The following EPM2A variants were observed in gnomAD, a reference collection of about 807,000 sequenced individuals.
The protein encoded by EPM2A is EPM2A glucan phosphatase, laforin, also known as laforin.
Under a neutral mutation model 26.5 loss-of-function variants are expected in EPM2A, and 21 were observed. The ratio of observed to expected loss-of-function variants is 0.79; its 90% confidence interval spans 0.56 to 1.14. EPM2A has a LOEUF of 1.14. Ranked by LOEUF, EPM2A falls within the 50% of genes most tolerant of loss-of-function variation. The pLI is 0.00. For synonymous variants in EPM2A, 217 were observed against 177.6 expected, an observed-to-expected ratio of 1.22 and a Z score of -1.76; for missense variants, 458 against 440.8, an observed-to-expected ratio of 1.04 and a Z score of -0.35.
In EPM2A at chr6:145,730,674, T is replaced by A. The variant is rs532139427; in HGVS notation, c.301+4524A>T. Among the ~76,000 whole-genome samples, 549 of 152,328 alleles carry A rather than the reference T, an allele frequency of 3.6e-3. 2 individuals carry two copies. The highest frequency in any genetic ancestry group is 2.0e-3 in the Non-Finnish European group (139 of 68,022). On this transcript the variant is annotated intron_variant, in intron 1 of 3. Coordinates refer to ENST00000367519, the MANE Select transcript of EPM2A (RefSeq NM_005670.4). ...GTTTGGTTACATGAATTGATTTTTT[T>A]AAAATTATTTTTAGACTGGTTCACA...
intron 2 of EPM2A, among the ~76,000 whole-genome samples, chr6:145,581,867 G>A (rs1562391064): frequency 6.6e-6 from 1 of 152,100 alleles, no homozygotes; most frequent in Non-Finnish European, 1.5e-5. Context: ...GATAACCGTA[G>A]GTTGTAGCAT....
chr6:145,701,591 G>C (rs1781912672), intron 1 of EPM2A, among the ~76,000 whole-genome samples: 1 of 152,148 alleles, frequency 6.6e-6, no homozygotes, highest in Non-Finnish European at 1.5e-5. Flanking sequence ...TGCTACCCAA[G>C]AGGAATAAGA....
upstream of EPM2A, chr6:145,735,606 G>A (rs1041747337): frequency 3.7e-6 from 4 of 1,081,480 alleles, no homozygotes; most frequent in Non-Finnish European, 3.4e-6. Flanking sequence ...GGGAGCCCCG[G>A]GCACCGGGGA....
At chr6:145,735,692 G>C (rs1776841928), upstream of EPM2A, 6 of 1,052,316 alleles carry the variant, frequency 5.7e-6, no homozygotes, top group Non-Finnish European at 6.9e-6. Context: ...AGGCCGGCGG[G>C]AAGGGGTCAG....
rs540932883 is a variant in EPM2A at position 145,544,482 on chromosome 6, A to G, written c.341-41907T>C. 2.0e-5 allele frequency among the ~76,000 whole-genome samples: 3 copies of G among 152,348 alleles called. No individual in the cohort carries two copies. In the East Asian group the frequency reaches 5.8e-4, roughly 29 times the overall value. On this transcript the variant is annotated intron_variant, in intron 2 of 3. Transcript: ENST00000450221. ...TAGCCAGCAATCAGAATTACCCAGA[A>G]CTAATTGGTAAATTGTGTGGGGAGA...
At chr6:145,476,870 C>T (rs1383758899) in intron 4 of EPM2A, among the ~76,000 whole-genome samples, 1 of 151,720 alleles carries the variant, frequency 6.6e-6, no homozygotes, top group Admixed American at 6.6e-5. Context: ...AATAAACAAT[C>T]TAATGATGTA....
At chr6:145,692,964 G>C (rs576124665) in intron 1 of EPM2A, among the ~76,000 whole-genome samples, 1 of 151,990 alleles carries the variant, frequency 6.6e-6, no homozygotes, top group African/African-American at 2.4e-5. Context: ...TTATTGGTAG[G>C]CTGATAGGAA....
chr6:145,532,734 C>T (rs1256815904), intron 2 of EPM2A, among the ~76,000 whole-genome samples: 1 of 152,126 alleles, frequency 6.6e-6, no homozygotes, highest in Non-Finnish European at 1.5e-5. Flanking sequence ...GTGGGACAGA[C>T]CCCCGTACTC....
chr6:145,463,512 T>G (rs2114718569), intron 4 of EPM2A: 1 of 152,274 alleles, frequency 6.6e-6, no homozygotes. Context: ...AAACACATTT[T>G]TTTACCAAAT....
At chr6:145,408,094 T>C (rs1445332064) in intron 4 of EPM2A, among the ~76,000 whole-genome samples, 1 of 152,202 alleles carries the variant, frequency 6.6e-6, no homozygotes, top group Non-Finnish European at 1.5e-5. Flanking sequence ...TTTGAAACTC[T>C]GCCTGTTATG....
chr6:145,719,851 T>C (rs1397066263), intron 1 of EPM2A, among the ~76,000 whole-genome samples: 6 of 152,152 alleles, frequency 3.9e-5, no homozygotes, highest in Non-Finnish European at 8.8e-5. Context: ...CTCTGATTTG[T>C]TAGGGTTTTA....
chr6:145,626,445 T>A lies in EPM2A; in HGVS notation c.*971A>T. ...GTCTTAAAACAGCCCATCATGTTTT[T>A]AAATTAGCTTGCACAAAATACAACT... On this transcript the variant is annotated 3_prime_UTR_variant, in exon 4 of 4. Coordinates refer to ENST00000367519, the MANE Select transcript of EPM2A (RefSeq NM_005670.4). 2.0e-6 allele frequency: 2 copies of A among 985,964 alleles called. No homozygotes were observed. The highest frequency in any genetic ancestry group is 1.2e-6 in the Non-Finnish European group (1 of 829,980). The allele number at this position is 985,964 out of a possible 1,614,324, so 61.1% of individuals were successfully genotyped here. A position where few individuals can be genotyped will look rare whatever the true frequency, so the allele number is the denominator to read the frequency against.
At chr6:145,714,508 A>G (rs1775510120) in intron 1 of EPM2A, among the ~76,000 whole-genome samples, 1 of 152,254 alleles carries the variant, frequency 6.6e-6, no homozygotes, top group Non-Finnish European at 1.5e-5. Flanking sequence ...AAACACTGAA[A>G]TAAATGTGAG....
intron 2 of EPM2A, among the ~76,000 whole-genome samples, chr6:145,645,318 G>C (rs1192122523): frequency 6.6e-6 from 1 of 152,110 alleles, no homozygotes; most frequent in East Asian, 1.9e-4. Context: ...TGTTGTTGTT[G>C]TTGTTATGAG....
At position 145,516,822 on chromosome 6, in the gene EPM2A, T is replaced by C. The variant is rs575940510; in HGVS notation, c.341-14247A>G. ...AAAGGTTAAAAATAGAACTACCATATAATCCAGCAATCCCGCTTCTGTATA... is the reference window on the plus strand; with the variant it reads ...AAAGGTTAAAAATAGAACTACCATACAATCCAGCAATCCCGCTTCTGTATA... On this transcript the variant is annotated intron_variant, in intron 2 of 3. Transcript: ENST00000450221. Among the ~76,000 whole-genome samples, 74 of 152,302 alleles carry C rather than the reference T, an allele frequency of 4.9e-4. 1 individual carries two copies. The South Asian group carries it at 0.015, about 31-fold the overall frequency.
chr6:145,466,113 G>C (rs1266308381), intron 4 of EPM2A, among the ~76,000 whole-genome samples: 1 of 151,626 alleles, frequency 6.6e-6, no homozygotes, highest in South Asian at 2.1e-4. Flanking sequence ...AAAAGCAATG[G>C]CAACAAAAGC....
At chr6:145,708,861 C>T (rs548416798) in intron 1 of EPM2A, among the ~76,000 whole-genome samples, 1 of 152,212 alleles carries the variant, frequency 6.6e-6, no homozygotes, top group Admixed American at 6.5e-5. Context: ...AGACACTCAA[C>T]AGCAGCCCAT....
intron 4 of EPM2A, among the ~76,000 whole-genome samples, chr6:145,440,246 G>C (rs922641072): frequency 1.3e-5 from 2 of 152,162 alleles, no homozygotes; most frequent in Non-Finnish European, 2.9e-5. Context: ...AGTGAAAGAG[G>C]TTTCCCCTTA....
intron 2 of EPM2A, among the ~76,000 whole-genome samples, chr6:145,577,370 CAA>C (rs57227362): frequency 7.2e-6 from 1 of 138,832 alleles, no homozygotes. Flanking sequence ...AAAATGGAAA[CAA>C]AAAAAAAAGA....
Sources: allele counts gnomAD v4.1 joint callset (sites outside exome capture counted in the v4.1 genomes callset), GRCh38; gene constraint gnomAD v4.1.1; transcripts MANE v1.5; gene names NCBI Gene and HGNC (gene_info 2026-07-23, HGNC 2026-07-21).